The following NAALADL2 variants were observed in gnomAD, a reference collection of about 807,000 sequenced individuals.
NAALADL2 encodes N-acetylated alpha-linked acidic dipeptidase like 2.
Under a neutral mutation model 87.2 loss-of-function variants are expected in NAALADL2, and 76 were observed. That is an observed-to-expected ratio of 0.87 (90% CI 0.72 to 1.05). NAALADL2 has a LOEUF of 1.05. Among genes scored for constraint, NAALADL2 ranks in the 50% least tolerant of loss-of-function variants. The pLI, the probability that NAALADL2 is intolerant of heterozygous loss-of-function variation, is 0.00. For missense variants in NAALADL2, 1,089 were observed against 945.8 expected (o/e 1.15, Z -1.99); for synonymous variants, 354 against 331.0 (o/e 1.07, Z -0.75).
chr3:175,648,903 T>C (rs2149782672), intron 11 of NAALADL2, among the ~76,000 whole-genome samples: 1 of 152,338 alleles, frequency 6.6e-6, no homozygotes, highest in African/African-American at 2.4e-5. Flanking sequence ...CCTTCAGTTG[T>C]CCCTTTTGTA....
At chr3:175,710,012 T>A (rs1740311127) in intron 11 of NAALADL2, among the ~76,000 whole-genome samples, 1 of 151,866 alleles carries the variant, frequency 6.6e-6, no homozygotes, top group Admixed American at 6.6e-5. Context: ...AAAGACAAAA[T>A]AATTTTTGGC....
At chr3:174,858,387 T>A (rs1291796151), upstream of NAALADL2, among the ~76,000 whole-genome samples, 2 of 152,036 alleles carry the variant, frequency 1.3e-5, no homozygotes, top group Non-Finnish European at 2.9e-5. Flanking sequence ...AAATGAATAT[T>A]TAAAGATACG....
At chr3:174,457,110 C>T (rs955611427) in intron 1 of NAALADL2, among the ~76,000 whole-genome samples, 2 of 152,262 alleles carry the variant, frequency 1.3e-5, no homozygotes, top group South Asian at 4.1e-4. Context: ...AAAAGCTCAA[C>T]ATCTCTGATC....
chr3:174,662,701 T>G (rs1048603306), intron 2 of NAALADL2, among the ~76,000 whole-genome samples: 4 of 152,204 alleles, frequency 2.6e-5, no homozygotes, highest in African/African-American at 9.6e-5. Context: ...AGAAGTTCCT[T>G]TCATAGAAAA....
chr3:175,523,627 T>C (rs1410837132), intron 9 of NAALADL2, among the ~76,000 whole-genome samples: 4 of 152,218 alleles, frequency 2.6e-5, no homozygotes, highest in Non-Finnish European at 1.5e-5. Flanking sequence ...GAGCGTACAC[T>C]TGGACAAGGG....
intron 2 of NAALADL2, among the ~76,000 whole-genome samples, chr3:174,629,158 T>C (rs1431741075): frequency 6.6e-6 from 1 of 152,174 alleles, no homozygotes; most frequent in Non-Finnish European, 1.5e-5. Context: ...AATTACATTA[T>C]TTAGGGGCAG....
intron 1 of NAALADL2, among the ~76,000 whole-genome samples, chr3:175,082,571 TA>T (rs748773551): frequency 6.6e-6 from 1 of 152,210 alleles, no homozygotes; most frequent in Non-Finnish European, 1.5e-5. Flanking sequence ...AGAAGCACTT[TA>T]TTTTTTAAGA....
intron 3 of NAALADL2, among the ~76,000 whole-genome samples, chr3:174,800,871 A>T (rs1042259840): frequency 6.6e-6 from 1 of 152,118 alleles, no homozygotes; most frequent in African/African-American, 2.4e-5. Context: ...GAGCTTTAAG[A>T]TTTGACTACC....
intron 3 of NAALADL2, among the ~76,000 whole-genome samples, chr3:174,829,090 G>GT (rs201968760): frequency 3.2e-4 from 47 of 146,414 alleles, no homozygotes; most frequent in East Asian, 1.4e-3. Context: ...TATTACATCT[G>GT]TTTTTTTTTG....
At chr3:174,912,919 CA>C (rs1409647593) in intron 1 of NAALADL2, among the ~76,000 whole-genome samples, 1 of 152,106 alleles carries the variant, frequency 6.6e-6, no homozygotes, top group East Asian at 1.9e-4. Context: ...TGTTTGCTTT[CA>C]AAGTGCCCTA....
chr3:174,448,297 A>G (rs894552752), intron 1 of NAALADL2, among the ~76,000 whole-genome samples: 1 of 152,198 alleles, frequency 6.6e-6, no homozygotes, highest in Non-Finnish European at 1.5e-5. Flanking sequence ...GTTCTGTGTC[A>G]TTTCATCTCA....
chr3:175,759,396 C>T (rs1266354739), intron 13 of NAALADL2, among the ~76,000 whole-genome samples: 4 of 147,408 alleles, frequency 2.7e-5, no homozygotes, highest in Admixed American at 6.9e-5. Flanking sequence ...CTCGCTCTGT[C>T]GCCCAGGGTG....
chr3:174,766,266 G>A (rs1361230849), intron 3 of NAALADL2, among the ~76,000 whole-genome samples: 1 of 152,138 alleles, frequency 6.6e-6, no homozygotes, highest in Non-Finnish European at 1.5e-5. Context: ...CTTTGATGGG[G>A]CTGTTGACCC....
intron 2 of NAALADL2, among the ~76,000 whole-genome samples, chr3:175,118,360 GTGTA>G: frequency 6.6e-6 from 1 of 151,660 alleles, no homozygotes; most frequent in Non-Finnish European, 1.5e-5. Flanking sequence ...CCTGATTGTT[GTGTA>G]TCAATAATGA....
At chr3:175,039,733 T>C (rs1052177181) in intron 1 of NAALADL2, among the ~76,000 whole-genome samples, 12 of 152,194 alleles carry the variant, frequency 7.9e-5, no homozygotes, top group African/African-American at 2.9e-4. Flanking sequence ...AAATTCTATC[T>C]GTGAAGGGTT....
chr3:174,904,150 A>G (rs904866148), intron 1 of NAALADL2, among the ~76,000 whole-genome samples: 5 of 151,736 alleles, frequency 3.3e-5, no homozygotes, highest in African/African-American at 1.2e-4. Flanking sequence ...TGCAACATAT[A>G]CAATCCACCT....
chr3:175,519,748 T>C (rs34334163), intron 9 of NAALADL2, among the ~76,000 whole-genome samples: 34,609 of 152,022 alleles, frequency 0.23, 6,164 homozygotes, highest in African/African-American at 0.5. Context: ...TAAAAGAAAT[T>C]TCCTGTATAT....
chr3:175,030,533 G>A (rs1172638163), intron 1 of NAALADL2, among the ~76,000 whole-genome samples: 1 of 152,044 alleles, frequency 6.6e-6, no homozygotes, highest in Non-Finnish European at 1.5e-5. Context: ...TGTCTTTAGG[G>A]AAGATTTGAT....
chr3:175,189,627 A>C (rs1013557808), intron 2 of NAALADL2, among the ~76,000 whole-genome samples: 1 of 152,210 alleles, frequency 6.6e-6, no homozygotes, highest in African/African-American at 2.4e-5. Context: ...AATATTGTTA[A>C]AGTGTGCTTA....
Sources: gnomAD v4.1 joint callset for allele counts (sites outside exome capture counted in the v4.1 genomes callset) on GRCh38, gnomAD v4.1.1 for gene constraint, MANE v1.5 for transcripts, NCBI Gene and HGNC (gene_info 2026-07-23, HGNC 2026-07-21) for gene names.